Variants in MACROD2 observed in about 807,000 individuals in gnomAD.
MACROD2 encodes ADP-ribose glycohydrolase MACROD2.
A neutral mutation model predicts 70.4 loss-of-function variants in MACROD2; 36 were observed. The observed-to-expected ratio is 0.51, with a 90% CI of 0.39 to 0.68. MACROD2 has a LOEUF of 0.68. Ranked by LOEUF, MACROD2 falls within the 30% of genes least tolerant of loss-of-function variation. The pLI is 0.00. For missense variants in MACROD2, 496 were observed against 538.4 expected (o/e 0.92, Z 0.78); for synonymous variants, 172 against 178.8 (o/e 0.96, Z 0.30).
rs570126411 is a variant in MACROD2 at position 14,767,350 on chromosome 20, A to T, written c.418+82391A>T. Among the ~76,000 whole-genome samples the T allele has an allele frequency of 5.3e-5, 8 of 152,052 alleles. No homozygotes were observed. In the East Asian group the frequency reaches 1.5e-3, roughly 29 times the overall value. On this transcript the variant is annotated intron_variant, in intron 5 of 17. Transcript: ENST00000684519. ...TTTTGTTTTTTGTTTTTTAAGGAAA[A>T]ACACTAGCTGGAACCAACTGTGTGG...
intron 5 of MACROD2, among the ~76,000 whole-genome samples, chr20:15,047,058 A>G (rs1207878129): frequency 6.6e-6 from 1 of 152,174 alleles, no homozygotes; most frequent in Non-Finnish European, 1.5e-5. Flanking sequence ...TTGCTTATCA[A>G]TGTGTTTTGT....
At chr20:15,297,693 C>T (rs961263836) in intron 6 of MACROD2, among the ~76,000 whole-genome samples, 2 of 152,176 alleles carry the variant, frequency 1.3e-5, no homozygotes, top group African/African-American at 4.8e-5. Flanking sequence ...AGAACAATTT[C>T]CTACTTTTAT....
intron 5 of MACROD2, among the ~76,000 whole-genome samples, chr20:15,229,474 A>G (rs1003207103): frequency 6.6e-6 from 1 of 152,076 alleles, no homozygotes; most frequent in Admixed American, 6.5e-5. Context: ...TTTTTCAGAA[A>G]CTTGCTCTTC....
At chr20:15,051,260 G>A (rs1056480899) in intron 5 of MACROD2, among the ~76,000 whole-genome samples, 4 of 151,164 alleles carry the variant, frequency 2.6e-5, no homozygotes, top group Admixed American at 6.6e-5. Context: ...TCCATTTTTC[G>A]TTTACTTGGC....
chr20:14,997,965 G>C lies in MACROD2; in HGVS notation c.419-231975G>C, dbSNP rs115402879. 7.4e-4 allele frequency among the ~76,000 whole-genome samples: 113 copies of C among 152,242 alleles called. 1 individual carries two copies. The highest frequency in any genetic ancestry group is 2.6e-3 in the African/African-American group (110 of 41,550). On this transcript the variant is annotated intron_variant, in intron 5 of 17. Transcript: ENST00000684519. ...AACAAGAGACTGCTGGTAATCTAGG[G>C]AATTCTTCTGGCTGTTACCCAAGAC... is the stretch of plus-strand genomic sequence containing the variant.
chr20:14,346,799 C>T (rs549546912), intron 3 of MACROD2, among the ~76,000 whole-genome samples: 4 of 152,234 alleles, frequency 2.6e-5, no homozygotes, highest in African/African-American at 9.6e-5. Flanking sequence ...GCCTTGTTTG[C>T]CACGTGTCTT....
chr20:15,685,076 A>AT (rs1249280109), intron 8 of MACROD2, among the ~76,000 whole-genome samples: 1 of 152,184 alleles, frequency 6.6e-6, no homozygotes, highest in Non-Finnish European at 1.5e-5. Flanking sequence ...CACTGGTGGT[A>AT]TAAGGATCAT....
chr20:16,018,097 G>A (rs1386885939), intron 15 of MACROD2, among the ~76,000 whole-genome samples: 1 of 152,264 alleles, frequency 6.6e-6, no homozygotes, highest in East Asian at 1.9e-4. Flanking sequence ...CTTGAGAGAT[G>A]GGGAATATGG....
intron 3 of MACROD2, among the ~76,000 whole-genome samples, chr20:14,415,664 C>A (rs1206765489): frequency 6.6e-6 from 1 of 152,168 alleles, no homozygotes; most frequent in Non-Finnish European, 1.5e-5. Context: ...TAACAGCTAT[C>A]CATGTAGGAA....
At chr20:14,994,421 G>A (rs747288134) in intron 5 of MACROD2, among the ~76,000 whole-genome samples, 8 of 152,046 alleles carry the variant, frequency 5.3e-5, no homozygotes, top group South Asian at 4.2e-4. Flanking sequence ...CTGTTCTCCC[G>A]GGGCCTCTTG....
chr20:16,025,137 A>G lies in MACROD2; in HGVS notation c.1154-16064A>G, dbSNP rs191725159. 8.5e-5 allele frequency among the ~76,000 whole-genome samples: 13 copies of G among 152,244 alleles called. No individual in the cohort carries two copies. In the East Asian group the frequency reaches 1.4e-3, roughly 16 times the overall value. On this transcript the variant is annotated intron_variant, in intron 15 of 17. Coordinates refer to ENST00000684519, the MANE Select transcript of MACROD2 (RefSeq NM_001351661.2). ...GCCTGAAAGGAAAATTCTGGATGCT[A>G]TTTTTTTCTATGATAGGGAAAGTTT...
chr20:14,881,956 C>T (rs1433385328), intron 5 of MACROD2, among the ~76,000 whole-genome samples: 1 of 152,108 alleles, frequency 6.6e-6, no homozygotes, highest in Non-Finnish European at 1.5e-5. Flanking sequence ...CATATGTTCA[C>T]GCATGTTATC....
intron 15 of MACROD2, among the ~76,000 whole-genome samples, chr20:15,988,958 G>A (rs6110858): frequency 0.34 from 51,495 of 151,992 alleles, 10,422 homozygotes; most frequent in Non-Finnish European, 0.43. Flanking sequence ...GTGCTCTGCA[G>A]TAGCTCTGCT....
At chr20:14,667,841 A>T (rs1266207683) in intron 4 of MACROD2, among the ~76,000 whole-genome samples, 2 of 152,054 alleles carry the variant, frequency 1.3e-5, no homozygotes, top group Non-Finnish European at 2.9e-5. Flanking sequence ...TTAAATTTTT[A>T]GTGGGTGAGT....
chr20:15,899,684 A>C (rs1047233728), intron 10 of MACROD2, among the ~76,000 whole-genome samples: 1 of 152,216 alleles, frequency 6.6e-6, no homozygotes, highest in Non-Finnish European at 1.5e-5. Flanking sequence ...AAGCACTAGC[A>C]CTTTGACTCT....
intron 8 of MACROD2, among the ~76,000 whole-genome samples, chr20:15,726,786 T>C (rs2050868896): frequency 6.6e-6 from 1 of 152,170 alleles, no homozygotes; most frequent in African/African-American, 2.4e-5. Flanking sequence ...ATTTGTTTTT[T>C]GCTTGTTAAT....
chr20:15,620,291 TG>T (rs1294054594), intron 8 of MACROD2, among the ~76,000 whole-genome samples: 1 of 152,126 alleles, frequency 6.6e-6, no homozygotes, highest in Non-Finnish European at 1.5e-5. Context: ...GTGTTTGTGT[TG>T]GGGTTTGTTA....
intron 8 of MACROD2, among the ~76,000 whole-genome samples, chr20:15,728,934 T>C (rs578202531): frequency 1.2e-4 from 19 of 152,220 alleles, no homozygotes; most frequent in African/African-American, 4.3e-4. Flanking sequence ...AGCTTTGGAG[T>C]TTGTTTGTTC....
chr20:16,012,595 A>G (rs2066877775), intron 15 of MACROD2, among the ~76,000 whole-genome samples: 1 of 152,258 alleles, frequency 6.6e-6, no homozygotes, highest in African/African-American at 2.4e-5. Context: ...TCTGTTGCTT[A>G]GGAAATGTGA....
Sources: allele counts gnomAD v4.1 joint callset (sites outside exome capture counted in the v4.1 genomes callset), GRCh38; gene constraint gnomAD v4.1.1; transcripts MANE v1.5; gene names NCBI Gene and HGNC (gene_info 2026-07-23, HGNC 2026-07-21).